Variants in NBEA observed in about 807,000 individuals in gnomAD.
NBEA encodes the protein lysosomal-trafficking regulator 2.
NBEA carries 44 observed loss-of-function variants against 343.4 expected under a neutral mutation model. The ratio of observed to expected loss-of-function variants is 0.13; its 90% CI spans 0.10 to 0.16. NBEA has a LOEUF of 0.16. Among genes scored for constraint, NBEA ranks in the 10% least tolerant of loss-of-function variants. The pLI is 1.00. For synonymous variants in NBEA, 1,175 were observed against 1,238.7 expected (o/e 0.95, Z 1.08); for missense variants, 2,555 against 3,631.3 (o/e 0.70, Z 7.62).
chr13:35,598,485 C>A (rs918697221), intron 47 of NBEA, among the ~76,000 whole-genome samples: 2 of 152,162 alleles, frequency 1.3e-5, no homozygotes, highest in East Asian at 3.8e-4. Flanking sequence ...AGCTGAGTAT[C>A]TTTCTCTGCA....
At chr13:35,145,384 C>T (rs889946264) in intron 18 of NBEA, among the ~76,000 whole-genome samples, 14 of 152,152 alleles carry the variant, frequency 9.2e-5, no homozygotes, top group Admixed American at 1.3e-4. Flanking sequence ...TATTTTACTT[C>T]CAGTTTAGAA....
intron 27 of NBEA, among the ~76,000 whole-genome samples, chr13:35,175,803 A>T (rs944749075): frequency 6.6e-6 from 1 of 152,092 alleles, no homozygotes; most frequent in Non-Finnish European, 1.5e-5. Context: ...TGCAGTGGGA[A>T]AGTTTCTTGC....
intron 45 of NBEA, among the ~76,000 whole-genome samples, chr13:35,575,384 C>T (rs1242450050): frequency 6.6e-6 from 1 of 152,100 alleles, no homozygotes; most frequent in Non-Finnish European, 1.5e-5. Flanking sequence ...TCATTTAAAG[C>T]ATTCTTATTT....
At chr13:35,179,690 GTT>G (rs955465860) in intron 28 of NBEA, 2 of 740,322 alleles carry the variant, frequency 2.7e-6, no homozygotes, top group African/African-American at 3.8e-5. Flanking sequence ...ACACATATTT[GTT>G]GAATGCCTTC....
At chr13:35,067,352 G>T (rs553923956) in intron 8 of NBEA, among the ~76,000 whole-genome samples, 1 of 151,280 alleles carries the variant, frequency 6.6e-6, no homozygotes, top group South Asian at 2.2e-4. Flanking sequence ...ATACTGAAAA[G>T]AATGCATCAT....
intron 1 of NBEA, among the ~76,000 whole-genome samples, chr13:34,958,470 G>A (rs868544690): frequency 1.3e-5 from 2 of 150,546 alleles, no homozygotes; most frequent in South Asian, 2.1e-4. Flanking sequence ...GCCTGGTAAA[G>A]TCAGGCCTGT....
At chr13:35,316,321 A>G (rs933525310) in intron 36 of NBEA, among the ~76,000 whole-genome samples, 5 of 151,200 alleles carry the variant, frequency 3.3e-5, no homozygotes, top group Admixed American at 2.0e-4. Context: ...ATGTGTTCTC[A>G]TTGTCACCTC....
intron 1 of NBEA, among the ~76,000 whole-genome samples, chr13:35,018,771 T>G (rs1175262402): frequency 6.6e-6 from 1 of 152,222 alleles, no homozygotes; most frequent in Non-Finnish European, 1.5e-5. Context: ...TGAGCATCCA[T>G]GATAACACTG....
chr13:35,108,062 A>G (rs2152654848), intron 11 of NBEA, among the ~76,000 whole-genome samples: 1 of 152,236 alleles, frequency 6.6e-6, no homozygotes, highest in Admixed American at 6.5e-5. Flanking sequence ...TATGAGCATG[A>G]AAAATGTAGC....
chr13:35,096,564 A>G (rs752809535), intron 10 of NBEA, among the ~76,000 whole-genome samples: 11 of 151,740 alleles, frequency 7.2e-5, no homozygotes, highest in Admixed American at 2.0e-4. Flanking sequence ...GCCTTTTTTC[A>G]TGGATCATAG....
At chr13:35,243,379 A>C (rs187605041) in intron 34 of NBEA, among the ~76,000 whole-genome samples, 2 of 151,904 alleles carry the variant, frequency 1.3e-5, no homozygotes, top group Non-Finnish European at 2.9e-5. Context: ...AATGACATAC[A>C]GAAAACAACA....
At chr13:35,083,438 G>T (rs1439087221) in intron 10 of NBEA, among the ~76,000 whole-genome samples, 2 of 152,126 alleles carry the variant, frequency 1.3e-5, no homozygotes, top group African/African-American at 4.8e-5. Flanking sequence ...AGCCAGAAGA[G>T]AGTGGGGGCC....
intron 47 of NBEA, among the ~76,000 whole-genome samples, chr13:35,601,439 G>GA (rs1447399585): frequency 6.6e-6 from 1 of 152,070 alleles, no homozygotes; most frequent in Non-Finnish European, 1.5e-5. Context: ...TTGCTATGCA[G>GA]AAAATTAAAA....
chr13:35,592,375 C>T (rs894156397), intron 46 of NBEA, among the ~76,000 whole-genome samples: 3 of 152,020 alleles, frequency 2.0e-5, no homozygotes, highest in Non-Finnish European at 2.9e-5. Context: ...AAGGTAGATA[C>T]GGAACCTACT....
At chr13:35,583,872 AC>A in intron 45 of NBEA, 25 bp from the exon 46 acceptor site, 1 of 1,582,308 alleles carries the variant, frequency 6.3e-7, no homozygotes, top group Non-Finnish European at 8.6e-7. Flanking sequence ...ACTGTATTAA[AC>A]AAAATATTTT....
At chr13:35,666,221 G>A (rs1192810103) in intron 56 of NBEA, among the ~76,000 whole-genome samples, 1 of 152,106 alleles carries the variant, frequency 6.6e-6, no homozygotes, top group Non-Finnish European at 1.5e-5. Flanking sequence ...TGATGAGATA[G>A]ATAGGTTTGG....
intron 41 of NBEA, among the ~76,000 whole-genome samples, chr13:35,529,739 G>A (rs538746955): frequency 6.6e-6 from 1 of 152,216 alleles, no homozygotes; most frequent in Admixed American, 6.5e-5. Context: ...TATAGACAGG[G>A]CCCAAGCTGT....
intron 35 of NBEA, among the ~76,000 whole-genome samples, chr13:35,299,261 T>A (rs1022999310): frequency 2.6e-5 from 4 of 152,186 alleles, no homozygotes; most frequent in Non-Finnish European, 4.4e-5. Context: ...GTAATTTTTT[T>A]ATATATTCAA....
intron 4 of NBEA, among the ~76,000 whole-genome samples, chr13:35,045,826 C>T (rs1220852673): frequency 6.6e-6 from 1 of 152,042 alleles, no homozygotes; most frequent in South Asian, 2.1e-4. Flanking sequence ...CTCCCGGGTT[C>T]AAGCAATTCT....
Sources: gnomAD v4.1 joint callset for allele counts (sites outside exome capture counted in the v4.1 genomes callset) on GRCh38, gnomAD v4.1.1 for gene constraint, MANE v1.5 for transcripts, NCBI Gene and HGNC (gene_info 2026-07-23, HGNC 2026-07-21) for gene names.